CELF3: variants seen among roughly 807,000 people sequenced by gnomAD.
CELF3 encodes CUGBP Elav-like family member 3.
A neutral mutation model predicts 59.6 loss-of-function variants in CELF3; 26 were observed. The observed-to-expected ratio is 0.44, with a 90% confidence interval of 0.32 to 0.61. The LOEUF (loss-of-function observed/expected upper bound fraction) is 0.61, where lower values mean the gene tolerates loss of function less well. Ranked by LOEUF, CELF3 falls within the 20% of genes least tolerant of loss-of-function variation. The probability of loss-of-function intolerance (pLI) is 0.06; values close to 1 mark genes in which losing one functional copy is unlikely to be tolerated. For synonymous variants in CELF3, 245 were observed against 250.7 expected (o/e 0.98, Z 0.22); for missense variants, 387 against 627.2 (o/e 0.62, Z 4.09).
rs2102760654 is a variant in CELF3, at chr1:151,700,214, G to A, written c.*3245C>T. Among the ~76,000 whole-genome samples, 1 of 152,286 alleles carries A rather than the reference G, an allele frequency of 6.6e-6. No individual in the cohort carries two copies. Among genetic ancestry groups the A allele is most frequent in the Middle Eastern group, 3.4e-3 (1 of 294 alleles). On this transcript the variant is annotated 3_prime_UTR_variant, in exon 13 of 13. Coordinates refer to ENST00000290583, the MANE Select transcript of CELF3 (RefSeq NM_007185.7). ...GAATGAGACACTTACGCATGGCCAT[G>A]ATACACAGCAGTGAAAGGTTTAAGT...
At chr1:151,706,755 T>C (rs1259316806) in intron 8 of CELF3, 21 bp from the exon 9 acceptor site, 15 of 1,529,294 alleles carry the variant, frequency 9.8e-6, no homozygotes, top group Non-Finnish European at 1.3e-5. Context: ...CAGCACAGAC[T>C]ATGAGCGTGG....
At position 151,707,582 on chromosome 1, in the gene CELF3, C is replaced by CA; in HGVS notation, c.696_697insT (p.Ala233CysfsTer64). 1 of 1,608,778 alleles carries CA rather than the reference C, an allele frequency of 6.2e-7. No homozygotes were observed. On this transcript the variant is annotated frameshift_variant, in exon 7 of 13. Coordinates refer to ENST00000290583, the MANE Select transcript of CELF3 (RefSeq NM_007185.7). LOFTEE classifies it high-confidence loss of function. ...GCCATGTGCTGCATCTGCACGGCAG[C>CA]CATGGTGGCCATGGGGCTGAGGTAG...
intron 1 of CELF3, chr1:151,715,529 C>T (rs971875630): frequency 2.0e-6 from 2 of 1,009,852 alleles, no homozygotes; most frequent in African/African-American, 1.6e-5. Context: ...CACGCACACA[C>T]ACACACACCC....
Position 151,706,207 on chromosome 1 carries a change from A to G in CELF3, c.1126+17T>C. On this transcript the variant is annotated intron_variant, in intron 10 of 12. Coordinates refer to ENST00000290583, the MANE Select transcript of CELF3 (RefSeq NM_007185.7). ...CATAACGAGGGCATTCCTGTCTCCC[A>G]AGGCCCCAGCCAGCACCTTCTCTTT... 6.2e-7 allele frequency: 1 copy of G among 1,611,646 alleles called. No homozygotes were observed.
In CELF3 at chr1:151,709,553, C is replaced by T; in HGVS notation, c.277+190G>A. 2.2e-6 allele frequency: 2 copies of T among 913,452 alleles called. No homozygotes were observed. Among genetic ancestry groups the T allele is most frequent in the Non-Finnish European group, 3.4e-6 (2 of 588,906 alleles). 56.6% of individuals were successfully genotyped at this position (913,452 alleles called of 1,614,324 possible). On this transcript the variant is annotated intron_variant, in intron 3 of 12. Coordinates refer to ENST00000290583, the MANE Select transcript of CELF3 (RefSeq NM_007185.7). This position sits in a 1 kb window ranked among gnomAD's most constrained non-coding sequence, Gnocchi z 4.9. Reference sequence around the variant, plus strand: ...GAGGGACTCGCACTCCACCCTGGGCCTCAGTTTTGCCATCTGTACCCGCCC... The same window carrying T: ...GAGGGACTCGCACTCCACCCTGGGCTTCAGTTTTGCCATCTGTACCCGCCC...
At chr1:151,715,614 C>T in intron 1 of CELF3, 2 of 1,458,488 alleles carry the variant, frequency 1.4e-6, no homozygotes, top group Non-Finnish European at 1.8e-6. Flanking sequence ...ATGACATCAA[C>T]ACACCCATAT....
chr1:151,716,031 C>G lies in CELF3; in HGVS notation c.-11G>C. ...ATCCGGCTCCTTCATTGAGGCGGCC[C>G]AGGAGGAGGGGCCGAGGGGAGCAGG... On this transcript the variant is annotated 5_prime_UTR_variant, in exon 1 of 13. Coordinates refer to ENST00000290583, the MANE Select transcript of CELF3 (RefSeq NM_007185.7). 6.2e-7 allele frequency: 1 copy of G among 1,606,732 alleles called. No homozygotes were observed. Among genetic ancestry groups the G allele is most frequent in the Non-Finnish European group, 8.5e-7 (1 of 1,175,852 alleles).
intron 12 of CELF3, among the ~76,000 whole-genome samples, chr1:151,703,680 C>T (rs770826160): frequency 9.2e-5 from 14 of 151,710 alleles, no homozygotes; most frequent in African/African-American, 3.4e-4. Context: ...GGAAACCAAA[C>T]GGTATTAGGA....
rs138052237 is a variant in CELF3, at chr1:151,705,659, C to T, written c.1270+163G>A. On this transcript the variant is annotated intron_variant, in intron 11 of 12. Transcript: ENST00000290583. This position sits in a 1 kb window ranked among gnomAD's most constrained non-coding sequence, Gnocchi z 5.1. ...AGGAAGAAGAGATGGGCCGAGGCAGCAGCTGGGTGTGGCATGTTGGGTGTG... is the reference window on the plus strand; with the variant it reads ...AGGAAGAAGAGATGGGCCGAGGCAGTAGCTGGGTGTGGCATGTTGGGTGTG... Among the ~76,000 whole-genome samples the T allele has an allele frequency of 2.0e-3, 307 of 152,262 alleles. 2 individuals are homozygous for T. Among genetic ancestry groups the T allele is most frequent in the African/African-American group, 6.9e-3 (288 of 41,546 alleles).
intron 12 of CELF3, among the ~76,000 whole-genome samples, chr1:151,704,657 G>A (rs2495393): frequency 0.45 from 67,793 of 151,896 alleles, 16,744 homozygotes; most frequent in East Asian, 0.63. Flanking sequence ...CTCCAGTCCT[G>A]TTCCCCTAAT....
rs1329886147 is a variant in CELF3 at position 151,709,356 on chromosome 1, G to A, written c.278-8C>T. On this transcript the variant is annotated splice_region_variant and splice_polypyrimidine_tract_variant and intron_variant, in intron 3 of 12. Coordinates refer to ENST00000290583, the MANE Select transcript of CELF3 (RefSeq NM_007185.7). The surrounding 1 kb of genome is among the most constrained non-coding windows in gnomAD (Gnocchi z 4.9). Reference sequence around the variant, plus strand: ...CAAAGAGCTTCCGGTCTTCTGGGTGGTAGGGCACAGGAGGAGGGCATGTTC... The same window carrying A: ...CAAAGAGCTTCCGGTCTTCTGGGTGATAGGGCACAGGAGGAGGGCATGTTC... The A allele has an allele frequency of 6.2e-7, 1 of 1,613,992 alleles. No homozygotes were observed. The highest frequency in any genetic ancestry group is 1.3e-5 in the African/African-American group (1 of 75,032).
Position 151,702,632 on chromosome 1 carries a change from A to G in CELF3, c.*827T>C, listed in dbSNP as rs1413457189. 3 of 150,540 alleles carry G rather than the reference A, an allele frequency of 2.0e-5. No homozygotes were observed. The highest frequency in any genetic ancestry group is 2.9e-5 in the Non-Finnish European group (2 of 68,012). The allele number at this position is 150,540 out of a possible 1,614,324, so 9.3% of individuals were successfully genotyped here. ...CCCACACCCCTCCTCCCAATACCCA[A>G]TTACCCCCCAAAGCAAAGGGAGAAA... On this transcript the variant is annotated 3_prime_UTR_variant, in exon 13 of 13. Transcript: ENST00000290583.
At chr1:151,706,093 G>T in intron 10 of CELF3, 128 bp from the exon 11 acceptor site, 2 of 1,591,210 alleles carry the variant, frequency 1.3e-6, no homozygotes, top group Admixed American at 3.4e-5. Context: ...TGTGGGCCAA[G>T]TCTCCGGCCA....
At chr1:151,715,640 C>G in intron 1 of CELF3, 1 of 1,495,654 alleles carries the variant, frequency 6.7e-7, no homozygotes, top group Non-Finnish European at 8.9e-7. Context: ...GGATCCACAT[C>G]TTTGCAGCCG....
At position 151,705,780 on chromosome 1, in the gene CELF3, G is replaced by C; in HGVS notation, c.1270+42C>G. ...CTTCAAATATATTAGACCTTGTCCT[G>C]ATTTGGAGTATGGCAAAAAATGTGC... On this transcript the variant is annotated intron_variant, in intron 11 of 12. Transcript: ENST00000290583. The surrounding 1 kb of genome is among the most constrained non-coding windows in gnomAD (Gnocchi z 5.1). 6.2e-7 allele frequency: 1 copy of C among 1,606,296 alleles called. No homozygotes were observed. The highest frequency in any genetic ancestry group is 8.5e-7 in the Non-Finnish European group (1 of 1,174,190).
At chr1:151,707,680 C>T (rs769752479) in intron 6 of CELF3, 32 bp from the exon 7 acceptor site, 1 of 1,596,384 alleles carries the variant, frequency 6.3e-7, no homozygotes, top group Non-Finnish European at 8.5e-7. Flanking sequence ...GTGGGGCAGG[C>T]CCCCTGTGCC....
At position 151,716,395 on chromosome 1, in the gene CELF3, AG is replaced by A. The variant is rs2101494077; in HGVS notation, c.-376del. Reference sequence around the variant, plus strand: ...GCTGGGAACTGGGAGTTGAGATGAGAGCTGGAGGCGGGGAAAGGGCCTGAGG... The same window carrying A: ...GCTGGGAACTGGGAGTTGAGATGAGACTGGAGGCGGGGAAAGGGCCTGAGG... On this transcript the variant is annotated 5_prime_UTR_variant, in exon 1 of 13. Coordinates refer to ENST00000290583, the MANE Select transcript of CELF3 (RefSeq NM_007185.7). The A allele has an allele frequency of 3.7e-6, 1 of 272,262 alleles. No individual in the cohort carries two copies. Among genetic ancestry groups the A allele is most frequent in the East Asian group, 8.8e-5 (1 of 11,410 alleles). 16.9% of individuals were successfully genotyped at this position (272,262 alleles called of 1,614,324 possible). A position where few individuals can be genotyped will look rare whatever the true frequency, so the allele number is the denominator to read the frequency against.
At chr1:151,710,667 T>G (rs1438969012) in intron 2 of CELF3, 1 of 456,160 alleles carries the variant, frequency 2.2e-6, no homozygotes. Flanking sequence ...AAAGGAGGAG[T>G]TGCTGTCCCG....
At chr1:151,715,313 C>G (rs934850015) in intron 1 of CELF3, among the ~76,000 whole-genome samples, 2 of 152,038 alleles carry the variant, frequency 1.3e-5, no homozygotes, top group Non-Finnish European at 2.9e-5. Context: ...CCTTCTCCCC[C>G]ACTCTCTTAA....
Sources: gnomAD v4.1 joint callset for allele counts (sites outside exome capture counted in the v4.1 genomes callset) on GRCh38, gnomAD v4.1.1 for gene constraint, Gnocchi (gnomAD v3.1) non-coding constraint, MANE v1.5 for transcripts, NCBI Gene and HGNC (gene_info 2026-07-23, HGNC 2026-07-21) for gene names.